DMXL1: variants seen among roughly 807,000 people sequenced by gnomAD.
DMXL1 encodes the protein Dmx like 1.
In DMXL1, 99 loss-of-function variants were observed where a neutral mutation model predicts 319.2. That is an observed-to-expected ratio of 0.31 (90% confidence interval 0.26 to 0.37). The LOEUF (loss-of-function observed/expected upper bound fraction) is 0.37. Among genes scored for constraint, DMXL1 ranks in the 10% least tolerant of loss-of-function variants. The probability of loss-of-function intolerance (pLI) is 1.00; values close to 1 mark genes in which losing one functional copy is unlikely to be tolerated. For synonymous variants in DMXL1, 1,385 were observed against 1,235.2 expected (o/e 1.12, Z -2.54); for missense variants, 3,745 against 3,595.6 (o/e 1.04, Z -1.06).
chr5:119,223,678 G>C (rs774109567), intron 37 of DMXL1, among the ~76,000 whole-genome samples: 9 of 152,082 alleles, frequency 5.9e-5, no homozygotes, highest in Non-Finnish European at 1.2e-4. Flanking sequence ...TTTTTACATG[G>C]ATCTTCTAAA....
chr5:119,176,864 C>T (rs986125500), intron 26 of DMXL1, among the ~76,000 whole-genome samples: 2 of 151,974 alleles, frequency 1.3e-5, no homozygotes, highest in African/African-American at 4.8e-5. Context: ...TCTGTATTGC[C>T]TTGATAGCGT....
chr5:119,204,311 G>C (rs762556626), intron 33 of DMXL1, among the ~76,000 whole-genome samples: 1 of 151,964 alleles, frequency 6.6e-6, no homozygotes, highest in East Asian at 1.9e-4. Context: ...CTAATTTTTT[G>C]TATTTTTGGT....
Position 119,149,720 on chromosome 5 carries a change from C to G in DMXL1, c.3893C>G (p.Thr1298Ser), listed in dbSNP as rs768488152. 8.1e-6 allele frequency: 13 copies of G among 1,613,996 alleles called. No individual in the cohort carries two copies. The highest frequency in any genetic ancestry group is 3.3e-5 in the South Asian group (3 of 91,078). Reference protein sequence around the residue: ...SLAQKICGKKTAFDPSVDMED... With the variant: ...SLAQKICGKKSAFDPSVDMED... ...GCACAGAAAATCTGTGGAAAGAAAA[C>G]TGCATTCGATCCTTCAGTGGATATG... The change falls in exon 18 of 44, where the codon ACT (threonine) becomes AGT (serine). Residue 1298 changes from threonine to serine, a missense_variant. Physicochemically the swap from Thr to Ser is moderately conservative, Grantham distance 58. Around this residue, in one of 4 missense-constraint regions of DMXL1, gnomAD observed 2,096 missense variants for 1,985.4 expected, o/e 1.06. Transcript: ENST00000539542.
At chr5:119,160,547 G>A (rs537229459) in intron 19 of DMXL1, among the ~76,000 whole-genome samples, 2 of 152,192 alleles carry the variant, frequency 1.3e-5, no homozygotes, top group African/African-American at 4.8e-5. Context: ...TGTCTTTTAG[G>A]TACATTTGGT....
intron 38 of DMXL1, 147 bp from the exon 39 acceptor site, chr5:119,233,193 G>C: frequency 1.4e-6 from 1 of 707,350 alleles, no homozygotes; most frequent in Non-Finnish European, 2.3e-6. Context: ...ATGATGAATA[G>C]TATTCAACTG....
At chr5:119,111,387 T>A (rs1272815282) in intron 5 of DMXL1, among the ~76,000 whole-genome samples, 1 of 152,196 alleles carries the variant, frequency 6.6e-6, no homozygotes, top group Non-Finnish European at 1.5e-5. Flanking sequence ...TCTAACATTT[T>A]AAAAAATATG....
rs370587821 is a variant in DMXL1, at chr5:119,133,643, A to C, written c.1719A>C (p.Thr573=). Residue 573 remains threonine, a synonymous_variant, in exon 12 of 44, where the codon ACA becomes ACC. Transcript: ENST00000539542. ...AACCTTCTGGCCTCACCCGTTCCAC[A>C]TCAATGCTTATTTCTTCTGGTCACA... ...KQKPSGLTRS[T]SMLISSGHNK... 3.1e-6 allele frequency: 5 copies of C among 1,614,100 alleles called. No homozygotes were observed. The highest frequency in any genetic ancestry group is 4.2e-6 in the Non-Finnish European group (5 of 1,180,042).
chr5:119,143,340 T>C lies in DMXL1; in HGVS notation c.2377-501T>C, dbSNP rs189174807. On this transcript the variant is annotated intron_variant, in intron 13 of 43. Transcript: ENST00000539542. ...AAATATTTCAAGGAGGAAGAAGGAATGATTACCAAGATCAGATACTGCTGA... is the reference window on the plus strand; with the variant it reads ...AAATATTTCAAGGAGGAAGAAGGAACGATTACCAAGATCAGATACTGCTGA... Among the ~76,000 whole-genome samples, 9 of 151,846 alleles carry C rather than the reference T, an allele frequency of 5.9e-5. No individual in the cohort carries two copies. The East Asian group carries it at 7.7e-4, about 13-fold the overall frequency.
At chr5:119,207,519 A>G (rs895873358) in intron 34 of DMXL1, among the ~76,000 whole-genome samples, 19 of 152,138 alleles carry the variant, frequency 1.2e-4, no homozygotes, top group Admixed American at 1.0e-3. Context: ...AACTATGACT[A>G]TATTTTATTT....
chr5:119,227,327 G>C (rs1041164721), intron 38 of DMXL1, among the ~76,000 whole-genome samples: 1 of 151,984 alleles, frequency 6.6e-6, no homozygotes, highest in South Asian at 2.1e-4. Flanking sequence ...ACACTTGATA[G>C]GTTCTATATA....
intron 1 of DMXL1, among the ~76,000 whole-genome samples, chr5:119,084,160 G>T: frequency 6.6e-6 from 1 of 150,646 alleles, no homozygotes; most frequent in African/African-American, 2.4e-5. Context: ...TTGTGCTGTT[G>T]CCCAGGCTGG....
At chr5:119,120,411 T>G (rs959817823) in intron 8 of DMXL1, among the ~76,000 whole-genome samples, 1 of 152,250 alleles carries the variant, frequency 6.6e-6, no homozygotes, top group East Asian at 1.9e-4. Flanking sequence ...TTGCCCTGCC[T>G]CTTCTTAGCT....
At position 119,071,402 on chromosome 5, in the gene DMXL1, A is replaced by C; in HGVS notation, c.-168A>C. 6 of 625,052 alleles carry C rather than the reference A, an allele frequency of 9.6e-6. No homozygotes were observed. The highest frequency in any genetic ancestry group is 1.6e-5 in the Non-Finnish European group (6 of 369,980). 38.7% of individuals were successfully genotyped at this position (625,052 alleles called of 1,614,324 possible). A position where few individuals can be genotyped will look rare whatever the true frequency, so the allele number is the denominator to read the frequency against. On this transcript the variant is annotated 5_prime_UTR_variant, in exon 1 of 44. It removes an upstream start codon present in the reference 5' UTR. Transcript: ENST00000539542. ...CGGGCCTCGCCCTCCGGGGCTCGGG[A>C]TGAGTCGCGGGCCCCAGCTGAGCGG...
intron 9 of DMXL1, among the ~76,000 whole-genome samples, chr5:119,125,928 A>G (rs995708259): frequency 2.0e-5 from 3 of 152,168 alleles, no homozygotes; most frequent in African/African-American, 7.2e-5. Context: ...ATGTACTGTA[A>G]GCATATAGGT....
At chr5:119,137,874 C>A (rs1195217873) in intron 13 of DMXL1, among the ~76,000 whole-genome samples, 1 of 152,150 alleles carries the variant, frequency 6.6e-6, no homozygotes, top group Non-Finnish European at 1.5e-5. Context: ...AAAAAGGCCA[C>A]TGTGGCTGGA....
chr5:119,234,477 C>T (rs9327091), intron 39 of DMXL1, among the ~76,000 whole-genome samples: 1 of 152,054 alleles, frequency 6.6e-6, no homozygotes, highest in African/African-American at 2.4e-5. Flanking sequence ...TCATTGTGTG[C>T]TGCAACCTTT....
intron 1 of DMXL1, among the ~76,000 whole-genome samples, chr5:119,097,197 A>G (rs963663196): frequency 2.6e-5 from 4 of 152,250 alleles, no homozygotes; most frequent in Non-Finnish European, 5.9e-5. Context: ...AAGGACCACC[A>G]TTTAGGATAT....
chr5:119,095,449 A>G (rs1176308090), intron 1 of DMXL1, among the ~76,000 whole-genome samples: 1 of 152,228 alleles, frequency 6.6e-6, no homozygotes, highest in African/African-American at 2.4e-5. Flanking sequence ...CTTCAAAATT[A>G]GTATAGACTT....
In DMXL1 at chr5:119,170,915, C is replaced by T. The variant is rs750727596; in HGVS notation, c.6124C>T (p.Arg2042Cys). 1.2e-6 allele frequency: 2 copies of T among 1,613,284 alleles called. No homozygotes were observed. The highest frequency in any genetic ancestry group is 1.3e-5 in the African/African-American group (1 of 74,822). The change falls in exon 24 of 44, where the codon CGT becomes TGT. Residue 2042 changes from arginine to cysteine, a missense_variant. This residue lies in a region of DMXL1 where 1,382 missense variants were observed against 1,269.5 expected (regional missense o/e 1.09). Coordinates refer to ENST00000539542, the MANE Select transcript of DMXL1 (RefSeq NM_001290321.3). The stretch of plus-strand genomic sequence containing the variant: ...TTTAAAGATTCTCACAGTAGAACTT[C>T]GTACTTTATCTACTGGCTATGAAAT... ...ACLKILTVEL[R>C]TLSTGYEIDG...
Sources: gnomAD v4.1 joint callset for allele counts (sites outside exome capture counted in the v4.1 genomes callset) on GRCh38, gnomAD v4.1.1 for gene constraint, gnomAD v4.1.1 regional missense constraint, MANE v1.5 for transcripts, NCBI Gene and HGNC (gene_info 2026-07-23, HGNC 2026-07-21) for gene names.